The following SHTN1 variants were observed in gnomAD, a reference collection of about 807,000 sequenced individuals.
The protein encoded by SHTN1 is shootin-1.
SHTN1 carries 42 observed loss-of-function variants against 83.1 expected under a neutral mutation model. That is an observed-to-expected ratio of 0.51 (90% CI 0.39 to 0.65). SHTN1 has a LOEUF of 0.65. Among genes scored for constraint, SHTN1 ranks in the 30% least tolerant of loss-of-function variants. The probability of loss-of-function intolerance (pLI) is 0.00; values close to 1 mark genes in which losing one functional copy is unlikely to be tolerated. For missense variants in SHTN1, 622 were observed against 737.8 expected (o/e 0.84, Z 1.82); for synonymous variants, 224 against 247.7 (o/e 0.90, Z 0.90).
intron 9 of SHTN1, among the ~76,000 whole-genome samples, chr10:116,935,783 T>C (rs1414092265): frequency 6.6e-6 from 1 of 152,154 alleles, no homozygotes; most frequent in African/African-American, 2.4e-5. Flanking sequence ...CAGCTGTGAA[T>C]CCATCTGATC....
intron 2 of SHTN1, among the ~76,000 whole-genome samples, chr10:116,975,253 T>C (rs1850758612): frequency 6.6e-6 from 1 of 152,204 alleles, no homozygotes; most frequent in African/African-American, 2.4e-5. Context: ...GATACATACA[T>C]ACATAAATAT....
intron 1 of SHTN1, among the ~76,000 whole-genome samples, chr10:117,094,024 TG>T (rs1853471508): frequency 6.6e-6 from 1 of 152,198 alleles, no homozygotes; most frequent in Non-Finnish European, 1.5e-5. Context: ...TAACTCAATG[TG>T]GAACTCAGGA....
chr10:117,115,670 C>T (rs1853835817), intron 1 of SHTN1, among the ~76,000 whole-genome samples: 1 of 152,166 alleles, frequency 6.6e-6, no homozygotes, highest in Non-Finnish European at 1.5e-5. Flanking sequence ...GAAATCAACA[C>T]TGAAATTGTG....
chr10:116,993,005 TTTC>T (rs1851495939), intron 1 of SHTN1, among the ~76,000 whole-genome samples: 1 of 50,480 alleles, frequency 2.0e-5, no homozygotes. Context: ...TTTTCTTTTC[TTTC>T]TTTTTTTTCT....
intron 1 of SHTN1, among the ~76,000 whole-genome samples, chr10:117,000,884 G>A (rs1282161320): frequency 6.6e-6 from 1 of 152,174 alleles, no homozygotes; most frequent in Non-Finnish European, 1.5e-5. Context: ...ACCAGCAGAG[G>A]CAAGGTCTTA....
Position 117,042,306 on chromosome 10 carries a change from ATGTC to A in SHTN1, c.-123+6135_-123+6138del, listed in dbSNP as rs544929451. Among the ~76,000 whole-genome samples the A allele has an allele frequency of 1.9e-3, 293 of 152,254 alleles. 1 individual carries two copies. Among genetic ancestry groups the A allele is most frequent in the Admixed American group, 3.9e-3 (59 of 15,290 alleles). ...TCCCTTCATAATCTGCTCCAACTGA[ATGTC>A]TGTGGTGGATCTCAAGTTATTCCAC... On this transcript the variant is annotated intron_variant, in intron 2 of 17. Transcript: ENST00000392901.
chr10:117,058,515 AG>A (rs1852856985), intron 1 of SHTN1, among the ~76,000 whole-genome samples: 1 of 152,214 alleles, frequency 6.6e-6, no homozygotes, highest in African/African-American at 2.4e-5. Flanking sequence ...TATTAAAAAA[AG>A]AACAGAAAAT....
At chr10:117,100,860 G>A (rs1431337206) in intron 1 of SHTN1, among the ~76,000 whole-genome samples, 1 of 152,158 alleles carries the variant, frequency 6.6e-6, no homozygotes, top group African/African-American at 2.4e-5. Context: ...TTCTGAGGTG[G>A]GACTAAGTTT....
Position 116,911,936 on chromosome 10 carries a change from T to C in SHTN1, c.1306-93A>G, listed in dbSNP as rs556711641. 2.6e-5 allele frequency: 23 copies of C among 882,884 alleles called. No individual in the cohort carries two copies. In the South Asian group the frequency reaches 3.0e-4, roughly 11 times the overall value. 54.7% of individuals were successfully genotyped at this position (882,884 alleles called of 1,614,324 possible). A position where few individuals can be genotyped will look rare whatever the true frequency, so the allele number is the denominator to read the frequency against. On this transcript the variant is annotated intron_variant, in intron 13 of 16. Coordinates refer to ENST00000355371, the MANE Select transcript of SHTN1 (RefSeq NM_001127211.3). ...ACATGGCAAACTATTAGTAGCCTTA[T>C]ATTGGTAATATGTATGACTATATAT... is the stretch of plus-strand genomic sequence containing the variant.
chr10:116,884,269 C>A lies in SHTN1; in HGVS notation c.*2075G>T. ...CTTGCTTTGGTTGACAGTGTCACCCCAGCCAGGGGCAAAACCCCCTCAAAA... is the reference window on the plus strand; with the variant it reads ...CTTGCTTTGGTTGACAGTGTCACCCAAGCCAGGGGCAAAACCCCCTCAAAA... On this transcript the variant is annotated 3_prime_UTR_variant, in exon 17 of 17. Transcript: ENST00000355371. The A allele has an allele frequency of 2.2e-6, 1 of 459,158 alleles. No homozygotes were observed. The allele number at this position is 459,158 out of a possible 1,614,324, so 28.4% of individuals were successfully genotyped here.
intron 1 of SHTN1, among the ~76,000 whole-genome samples, chr10:117,066,544 G>A (rs1470227066): frequency 6.6e-6 from 1 of 152,190 alleles, no homozygotes; most frequent in Non-Finnish European, 1.5e-5. Flanking sequence ...AGGTGAAGAT[G>A]TGGGACAATA....
chr10:116,944,534 TA>T (rs1849502545), intron 8 of SHTN1, among the ~76,000 whole-genome samples: 1 of 152,132 alleles, frequency 6.6e-6, no homozygotes, highest in African/African-American at 2.4e-5. Flanking sequence ...TTCAAACTGG[TA>T]AGTTCTTATT....
At chr10:116,985,513 G>A (rs1475465773) in intron 1 of SHTN1, among the ~76,000 whole-genome samples, 1 of 152,022 alleles carries the variant, frequency 6.6e-6, no homozygotes, top group Non-Finnish European at 1.5e-5. Context: ...CTGACATATA[G>A]ATTATTTGAT....
In SHTN1 at chr10:116,884,544, T is replaced by C. The variant is rs1847109244; in HGVS notation, c.*1800A>G. 3.4e-6 allele frequency: 1 copy of C among 294,986 alleles called. No homozygotes were observed. Among genetic ancestry groups the C allele is most frequent in the Non-Finnish European group, 6.8e-6 (1 of 147,906 alleles). The allele number at this position is 294,986 out of a possible 1,614,324, so 18.3% of individuals were successfully genotyped here. ...TTTTGATAACCATATTATTCTGTGA[T>C]GGTGTGATGAAATATGGAAAGACAG... is the stretch of plus-strand genomic sequence containing the variant. On this transcript the variant is annotated 3_prime_UTR_variant, in exon 17 of 17. Coordinates refer to ENST00000355371, the MANE Select transcript of SHTN1 (RefSeq NM_001127211.3).
chr10:116,929,360 T>C (rs1589815896), intron 10 of SHTN1, among the ~76,000 whole-genome samples: 4 of 152,228 alleles, frequency 2.6e-5, no homozygotes, highest in Admixed American at 1.3e-4. Flanking sequence ...AATAGATATA[T>C]TGTTGCCCAG....
intron 2 of SHTN1, among the ~76,000 whole-genome samples, chr10:117,040,922 TTTATTA>T (rs1189108908): frequency 6.6e-6 from 1 of 151,732 alleles, no homozygotes; most frequent in South Asian, 2.1e-4. Context: ...CTCTTTTTCT[TTTATTA>T]TATTTTATTT....
upstream of SHTN1, chr10:117,005,352 C>T (rs1851982002): frequency 7.9e-7 from 1 of 1,267,254 alleles, no homozygotes; most frequent in Admixed American, 3.7e-5. Flanking sequence ...GGTCGGCAGC[C>T]GCTATGCCAG....
At chr10:116,934,093 T>C (rs899550010) in intron 9 of SHTN1, among the ~76,000 whole-genome samples, 1 of 152,184 alleles carries the variant, frequency 6.6e-6, no homozygotes, top group Non-Finnish European at 1.5e-5. Context: ...AGTGCAAAAA[T>C]TTTCTCCCAT....
chr10:116,980,311 G>C (rs559747360), intron 1 of SHTN1, among the ~76,000 whole-genome samples: 2 of 152,172 alleles, frequency 1.3e-5, no homozygotes, highest in South Asian at 4.1e-4. Context: ...CTTTTTTTAA[G>C]AGACAGGGTC....
Sources: allele counts gnomAD v4.1 joint callset (sites outside exome capture counted in the v4.1 genomes callset), GRCh38; gene constraint gnomAD v4.1.1; transcripts MANE v1.5; gene names NCBI Gene and HGNC (gene_info 2026-07-23, HGNC 2026-07-21).